ATAT1: variants seen among roughly 807,000 people sequenced by gnomAD.
ATAT1 encodes alpha-tubulin N-acetyltransferase 1.
Under a neutral mutation model 57.2 loss-of-function variants are expected in ATAT1, and 42 were observed. The ratio of observed to expected loss-of-function variants is 0.73; its 90% confidence interval spans 0.57 to 0.95. ATAT1 has a LOEUF of 0.95. Among genes scored for constraint, ATAT1 ranks in the 40% least tolerant of loss-of-function variants. The pLI is 0.00. For synonymous variants in ATAT1, 168 were observed against 187.1 expected (o/e 0.90, Z 0.83); for missense variants, 454 against 523.7 (o/e 0.87, Z 1.30).
chr6:30,638,775 C>G (rs1439312518), intron 6 of ATAT1, among the ~76,000 whole-genome samples: 1 of 152,168 alleles, frequency 6.6e-6, no homozygotes. Flanking sequence ...TTGGCATTGG[C>G]CAAGCGAAGC....
At position 30,640,600 on chromosome 6, in the gene ATAT1, G is replaced by T. The variant is rs1423253380; in HGVS notation, c.613G>T (p.Ala205Ser). The change falls in exon 8 of 13, where the codon GCT becomes TCT. Residue 205 changes from alanine to serine, a missense_variant. Ala to Ser is a moderately conservative substitution (Grantham distance 99). Transcript: ENST00000330083. ...TGCTGCTGCAGTCGATCCCACGCCC[G>T]CTGGTAAAGCCTGTATTGAAGGGGT... The T allele has an allele frequency of 3.7e-6, 6 of 1,612,774 alleles. No homozygotes were observed. Among genetic ancestry groups the T allele is most frequent in the Admixed American group, 3.3e-5 (2 of 60,002 alleles).
chr6:30,640,222 A>G (rs750309577), intron 6 of ATAT1, among the ~76,000 whole-genome samples, 155 bp from the exon 7 acceptor site: 1 of 152,006 alleles, frequency 6.6e-6, no homozygotes, highest in African/African-American at 2.4e-5. Context: ...AGGCTGTATG[A>G]TATAGTCTGG....
intron 10 of ATAT1, chr6:30,643,692 T>C: frequency 6.7e-7 from 1 of 1,492,066 alleles, no homozygotes. Flanking sequence ...GGATTCCCTC[T>C]TCTACTTTCT....
chr6:30,630,925 G>A (rs1483069715), intron 6 of ATAT1, among the ~76,000 whole-genome samples: 6 of 151,324 alleles, frequency 4.0e-5, no homozygotes, highest in South Asian at 4.2e-4. Context: ...GGGACGAAGC[G>A]AGACTCTTGT....
chr6:30,628,157 C>T lies in ATAT1; in HGVS notation c.399+12C>T. The T allele has an allele frequency of 6.8e-6, 11 of 1,607,210 alleles. No homozygotes were observed. Among genetic ancestry groups the T allele is most frequent in the Non-Finnish European group, 9.4e-6 (11 of 1,174,940 alleles). ...AGTATATGTTGCAGGTATCACTGAC[C>T]TCTTCACTGGTTCATCCAAACTAGG... On this transcript the variant is annotated intron_variant, in intron 5 of 12. Transcript: ENST00000330083.
At chr6:30,641,706 A>G (rs1325719550) in intron 8 of ATAT1, 1 of 826,056 alleles carries the variant, frequency 1.2e-6, no homozygotes. Context: ...TAGGAAGGAG[A>G]GATTGTGCCC....
At chr6:30,641,876 A>C (rs1402319845) in intron 8 of ATAT1, 44 of 1,215,808 alleles carry the variant, frequency 3.6e-5, no homozygotes, top group Non-Finnish European at 4.5e-5. Context: ...TGACAGTAAG[A>C]GCTCACTTCC....
chr6:30,634,484 T>C (rs1763580027), intron 6 of ATAT1, among the ~76,000 whole-genome samples: 1 of 151,038 alleles, frequency 6.6e-6, no homozygotes, highest in African/African-American at 2.4e-5. Context: ...CTCCTGACCT[T>C]GTGATCCACC....
chr6:30,637,133 C>T (rs1180731930), intron 6 of ATAT1, among the ~76,000 whole-genome samples: 18 of 152,170 alleles, frequency 1.2e-4, no homozygotes, highest in Admixed American at 1.2e-3. Context: ...AAACACATTA[C>T]CCAGTTAACA....
At chr6:30,642,472 G>GT (rs1582863682) in intron 9 of ATAT1, among the ~76,000 whole-genome samples, 1 of 151,858 alleles carries the variant, frequency 6.6e-6, no homozygotes, top group Non-Finnish European at 1.5e-5. Flanking sequence ...GTGAAACCCC[G>GT]TCTCTACTAA....
chr6:30,630,697 G>A (rs1762665428), intron 6 of ATAT1, among the ~76,000 whole-genome samples: 1 of 152,134 alleles, frequency 6.6e-6, no homozygotes, highest in South Asian at 2.1e-4. Context: ...CCACACTTTG[G>A]GAGGCCAAGG....
chr6:30,640,323 G>A, intron 6 of ATAT1, 54 bp from the exon 7 acceptor site: 1 of 1,581,674 alleles, frequency 6.3e-7, no homozygotes, highest in South Asian at 1.1e-5. Flanking sequence ...TTCTCAGAAT[G>A]TATCCCCATC....
chr6:30,638,432 A>G (rs1247390480), intron 6 of ATAT1, among the ~76,000 whole-genome samples: 1 of 151,974 alleles, frequency 6.6e-6, no homozygotes, highest in South Asian at 2.1e-4. Flanking sequence ...AGCTAGGATT[A>G]CAGGCGCACG....
rs191047484 is a variant in ATAT1 at position 30,641,916 on chromosome 6, G to T, written c.617-260G>T. 1.5e-3 allele frequency: 1,933 copies of T among 1,291,994 alleles called. 21 individuals are homozygous for T. The highest frequency in any genetic ancestry group is 0.013 in the Admixed American group (369 of 29,188). The allele number at this position is 1,291,994 out of a possible 1,614,324, so 80.0% of individuals were successfully genotyped here. A position where few individuals can be genotyped will look rare whatever the true frequency, so the allele number is the denominator to read the frequency against. On this transcript the variant is annotated intron_variant, in intron 8 of 12. Transcript: ENST00000330083. ...GCTGCCCTTCTCCTGCATCTCCCAG[G>T]CCCCCAGAGTCTCCCCTTCGATCTT...
intron 6 of ATAT1, among the ~76,000 whole-genome samples, chr6:30,632,067 G>C (rs1008163773): frequency 6.6e-6 from 1 of 152,004 alleles, no homozygotes; most frequent in Admixed American, 6.6e-5. Context: ...CCAGCACTTT[G>C]GGAGGCCGAG....
At chr6:30,630,629 T>C (rs1027323901) in intron 6 of ATAT1, among the ~76,000 whole-genome samples, 1 of 150,144 alleles carries the variant, frequency 6.7e-6, no homozygotes, top group Non-Finnish European at 1.5e-5. Context: ...GAGTGAGGAC[T>C]CCATCTCAAA....
chr6:30,627,008 C>A lies in ATAT1; in HGVS notation c.-196C>A. On this transcript the variant is annotated 5_prime_UTR_variant, in exon 1 of 13. Transcript: ENST00000330083. ...CGCCGGCCCGGTGACAGCTCAAACC[C>A]ACCCTCTGGCCCTTTTCTCCCGGTT... 6.4e-7 allele frequency: 1 copy of A among 1,574,232 alleles called. No homozygotes were observed. The highest frequency in any genetic ancestry group is 2.3e-5 in the East Asian group (1 of 42,942).
chr6:30,628,901 C>CTTT (rs78380830), intron 6 of ATAT1, among the ~76,000 whole-genome samples: 1 of 136,786 alleles, frequency 7.3e-6, no homozygotes, highest in South Asian at 2.3e-4. Context: ...CCGCATCTGA[C>CTTT]TTTTTTTTTT....
At chr6:30,634,399 C>T (rs1763566773) in intron 6 of ATAT1, among the ~76,000 whole-genome samples, 2 of 151,682 alleles carry the variant, frequency 1.3e-5, no homozygotes, top group Non-Finnish European at 2.9e-5. Context: ...TACAGGCGCC[C>T]GCCACCACAC....
Sources: gnomAD v4.1 joint callset for allele counts (sites outside exome capture counted in the v4.1 genomes callset) on GRCh38, gnomAD v4.1.1 for gene constraint, MANE v1.5 for transcripts, NCBI Gene and HGNC (gene_info 2026-07-23, HGNC 2026-07-21) for gene names.